OR5M3: variants seen among roughly 807,000 people sequenced by gnomAD.
The protein encoded by OR5M3 is olfactory receptor family 5 subfamily M member 3.
For synonymous variants in OR5M3, 129 were observed against 131.3 expected (o/e 0.98, Z 0.12); for missense variants, 384 against 378.6 (o/e 1.01, Z -0.12).
At chr11:56,472,930 C>T (rs1178492626) in intron 1 of OR5M3, among the ~76,000 whole-genome samples, 5 of 151,828 alleles carry the variant, frequency 3.3e-5, no homozygotes, top group Non-Finnish European at 7.4e-5. Flanking sequence ...TTTTTATGTT[C>T]CTCAGTAGGA....
At chr11:56,472,989 ATATTAAG>A (rs1017010523) in intron 1 of OR5M3, among the ~76,000 whole-genome samples, 1 of 152,140 alleles carries the variant, frequency 6.6e-6, no homozygotes. Context: ...ATGAAAAGAT[ATATTAAG>A]TATTAACACA....
intron 1 of OR5M3, among the ~76,000 whole-genome samples, 166 bp from the exon 2 acceptor site, chr11:56,470,707 A>G (rs1460121138): frequency 2.0e-5 from 3 of 152,100 alleles, no homozygotes; most frequent in Non-Finnish European, 4.4e-5. Flanking sequence ...GACAGTCCCT[A>G]TTATATAACA....
chr11:56,471,328 AT>A (rs1197518581), intron 1 of OR5M3, among the ~76,000 whole-genome samples: 2 of 152,064 alleles, frequency 1.3e-5, no homozygotes, highest in Non-Finnish European at 2.9e-5. Context: ...GAAGTGATTT[AT>A]TCTTCTTTGA....
Position 56,469,880 on chromosome 11 carries a change from T to C in OR5M3, c.618A>G (p.Thr206=), listed in dbSNP as rs762641338. Residue 206 remains threonine, a synonymous_variant, in exon 2 of 2, where the codon ACA becomes ACG. Transcript: ENST00000641993. ...AGATGATAATTACAGTCAGGGAATA[T>C]GTGAAGTTAATGCCGGCAAGTATGA... ...TMIILAGINF[T]YSLTVIIISY... The C allele has an allele frequency of 3.1e-6, 5 of 1,613,220 alleles. No homozygotes were observed. The highest frequency in any genetic ancestry group is 3.3e-5 in the Admixed American group (2 of 59,994).
rs764559831 is a variant in OR5M3, at chr11:56,469,892, G to T, written c.606C>A (p.Gly202=). The change falls in exon 2 of 2, where the codon GGC becomes GGA. Residue 202 remains glycine, a synonymous_variant. Coordinates refer to ENST00000641993, the MANE Select transcript of OR5M3 (RefSeq NM_001004742.3). ...VKEYTMIILA[G]INFTYSLTVI... is the part of the protein sequence containing the mutation. ...CAGTCAGGGAATATGTGAAGTTAAT[G>T]CCGGCAAGTATGATCATTGTATATT... The T allele has an allele frequency of 6.2e-7, 1 of 1,612,978 alleles. No homozygotes were observed. Among genetic ancestry groups the T allele is most frequent in the South Asian group, 1.1e-5 (1 of 91,062 alleles).
intron 1 of OR5M3, among the ~76,000 whole-genome samples, chr11:56,471,380 C>T (rs77586708): frequency 0.021 from 3,208 of 151,968 alleles, 52 homozygotes; most frequent in Non-Finnish European, 0.033. Flanking sequence ...GTATATTTTG[C>T]AAATTTATTT....
chr11:56,472,284 T>C (rs781224023), intron 1 of OR5M3, among the ~76,000 whole-genome samples: 4 of 152,078 alleles, frequency 2.6e-5, no homozygotes, highest in Non-Finnish European at 4.4e-5. Context: ...AATATATTTA[T>C]ATATAGACTG....
chr11:56,471,674 TAC>T (rs903390609), intron 1 of OR5M3, among the ~76,000 whole-genome samples: 1 of 151,912 alleles, frequency 6.6e-6, no homozygotes, highest in Non-Finnish European at 1.5e-5. Context: ...TGTATATATA[TAC>T]ACACACATAT....
At position 56,471,687 on chromosome 11, in the gene OR5M3, G is replaced by A. The variant is rs191927397; in HGVS notation, c.-44-1146C>T. Among the ~76,000 whole-genome samples the A allele has an allele frequency of 2.4e-3, 369 of 151,824 alleles. 2 individuals are homozygous for A. The highest frequency in any genetic ancestry group is 8.7e-3 in the African/African-American group (359 of 41,412). Reference sequence around the variant, plus strand: ...TATGTATATATATACACACACATATGTATATAAACATACATAAAGCTTATG... The same window carrying A: ...TATGTATATATATACACACACATATATATATAAACATACATAAAGCTTATG... On this transcript the variant is annotated intron_variant, in intron 1 of 1. Transcript: ENST00000641993.
chr11:56,472,959 T>A (rs767632114), intron 1 of OR5M3, among the ~76,000 whole-genome samples: 10 of 152,140 alleles, frequency 6.6e-5, no homozygotes, highest in Non-Finnish European at 1.3e-4. Context: ...TAATATCCAT[T>A]TCTTTGTGTG....
intron 1 of OR5M3, among the ~76,000 whole-genome samples, chr11:56,472,014 C>T (rs1173405427): frequency 6.6e-6 from 1 of 151,078 alleles, no homozygotes; most frequent in African/African-American, 2.4e-5. Context: ...AGAAAATTAG[C>T]AGTCAGGAAG....
chr11:56,470,266 T>G lies in OR5M3; in HGVS notation c.232A>C (p.Lys78Gln). Reference sequence around the variant, plus strand: ...TCTGATAACAGGTTTTCCAACATTTTAGGGGTGACATTGGAAGAAAACCAC... The same window carrying G: ...TCTGATAACAGGTTTTCCAACATTTGAGGGGTGACATTGGAAGAAAACCAC... Reference protein sequence around the residue: ...DVWFSSNVTPKMLENLLSDKK... With the variant: ...DVWFSSNVTPQMLENLLSDKK... The change falls in exon 2 of 2, where the codon AAA becomes CAA. Residue 78 changes from lysine (K) to glutamine (Q), a missense_variant. Physicochemically the swap from Lys to Gln is moderately conservative, Grantham distance 53. Transcript: ENST00000641993. 1 of 1,613,288 alleles carries G rather than the reference T, an allele frequency of 6.2e-7. No homozygotes were observed.
In OR5M3 at chr11:56,470,385, A is replaced by AC; in HGVS notation, c.112dup (p.Val38GlyfsTer17). ...TAACACCATCATGCCGATATTGCCC[A>AC]CCATGGTGATGATGTAGACCACAAG... On this transcript the variant is annotated frameshift_variant, in exon 2 of 2. Coordinates refer to ENST00000641993, the MANE Select transcript of OR5M3 (RefSeq NM_001004742.3). LOFTEE classifies it low-confidence loss of function (END_TRUNC). The AC allele has an allele frequency of 6.2e-7, 1 of 1,613,546 alleles. No individual in the cohort carries two copies. Among genetic ancestry groups the AC allele is most frequent in the Non-Finnish European group, 8.5e-7 (1 of 1,179,648 alleles).
At position 56,470,187 on chromosome 11, in the gene OR5M3, G is replaced by A. The variant is rs1358364803; in HGVS notation, c.311C>T (p.Ala104Val). The change falls in exon 2 of 2, where the codon GCT becomes GTT. Residue 104 changes from alanine (A) to valine (V), a missense_variant. Transcript: ENST00000641993. ...GCLVQCFFFIALVHVEIFILA... is the reference protein window; with the variant it reads ...GCLVQCFFFIVLVHVEIFILA... Reference sequence around the variant, plus strand: ...AATAAAAATTTCCACATGGACAAGAGCAATGAAGAAGAAACACTGTACTAA... The same window carrying A: ...AATAAAAATTTCCACATGGACAAGAACAATGAAGAAGAAACACTGTACTAA... The A allele has an allele frequency of 6.2e-7, 1 of 1,613,290 alleles. No homozygotes were observed.
chr11:56,471,232 A>C (rs542306500), intron 1 of OR5M3, among the ~76,000 whole-genome samples: 2 of 152,222 alleles, frequency 1.3e-5, no homozygotes, highest in East Asian at 3.9e-4. Context: ...GATTAATGTC[A>C]GTATTTATGA....
intron 1 of OR5M3, among the ~76,000 whole-genome samples, chr11:56,471,520 C>T (rs1853667387): frequency 6.6e-6 from 1 of 151,686 alleles, no homozygotes; most frequent in African/African-American, 2.4e-5. Context: ...AATTTTTCTC[C>T]ATCAAATGGG....
intron 1 of OR5M3, among the ~76,000 whole-genome samples, chr11:56,471,871 C>T (rs762714469): frequency 3.3e-5 from 5 of 151,934 alleles, no homozygotes; most frequent in Non-Finnish European, 7.4e-5. Context: ...TGTGTCAAAC[C>T]TTCTAATGGC....
In OR5M3 at chr11:56,469,449, C is replaced by T. The variant is rs913940635; in HGVS notation, c.*125G>A. Reference sequence around the variant, plus strand: ...CCTCCTTATATTTTCTCAATTTGTACCACTTTTATTTTTCTTTTCAACCCA... The same window carrying T: ...CCTCCTTATATTTTCTCAATTTGTATCACTTTTATTTTTCTTTTCAACCCA... On this transcript the variant is annotated 3_prime_UTR_variant, in exon 2 of 2. Coordinates refer to ENST00000641993, the MANE Select transcript of OR5M3 (RefSeq NM_001004742.3). 1.3e-5 allele frequency: 7 copies of T among 552,046 alleles called. No homozygotes were observed. The highest frequency in any genetic ancestry group is 2.2e-5 in the Non-Finnish European group (7 of 314,806). 34.2% of individuals were successfully genotyped at this position (552,046 alleles called of 1,614,324 possible).
In OR5M3 at chr11:56,470,079, A is replaced by G; in HGVS notation, c.419T>C (p.Ile140Thr). The G allele has an allele frequency of 6.2e-7, 1 of 1,607,148 alleles. No individual in the cohort carries two copies. The change falls in exon 2 of 2, where the codon ATT becomes ACT. Residue 140 changes from isoleucine (I) to threonine (T), a missense_variant. Physicochemically the swap from Ile to Thr is moderately conservative, Grantham distance 89. Coordinates refer to ENST00000641993, the MANE Select transcript of OR5M3 (RefSeq NM_001004742.3). ...YGSKMSRVVC[I>T]RLITFPYIYG... ...AATGTAAGGGAAAGTAATCAGTCGA[A>G]TACAGACAACCCTTGACATTTTACT...
Sources: gnomAD v4.1 joint callset for allele counts (sites outside exome capture counted in the v4.1 genomes callset) on GRCh38, gnomAD v4.1.1 for gene constraint, MANE v1.5 for transcripts, NCBI Gene and HGNC (gene_info 2026-07-23, HGNC 2026-07-21) for gene names.